The following CANX variants were observed in gnomAD, a reference collection of about 807,000 sequenced individuals.
CANX encodes the protein epididymis secretory sperm binding protein.
CANX carries 14 observed loss-of-function variants against 75.7 expected under a neutral mutation model. The observed-to-expected ratio is 0.19, with a 90% CI of 0.12 to 0.29. The LOEUF is 0.29. Among genes scored for constraint, CANX ranks in the 10% least tolerant of loss-of-function variants. CANX has a pLI of 1.00. For synonymous variants in CANX, 227 were observed against 236.9 expected (o/e 0.96, Z 0.38); for missense variants, 567 against 713.2 (o/e 0.79, Z 2.34).
chr5:179,694,552 C>CA, upstream of CANX: 3 of 821,928 alleles, frequency 3.6e-6, no homozygotes, highest in South Asian at 2.7e-5. Context: ...GGAGATGTGG[C>CA]AAAAAAGCTG....
rs541418922 is a variant in CANX, at chr5:179,688,778, C to T, written c.-4+10001C>T. Among the ~76,000 whole-genome samples, 7 of 151,552 alleles carry T rather than the reference C, an allele frequency of 4.6e-5. No individual in the cohort carries two copies. The East Asian group carries it at 7.8e-4, about 17-fold the overall frequency. ...GGTGGATCTCTTGACCTCAGGAGAT[C>T]GAAACTAGGCTGGCCAACATGGTGA... On this transcript the variant is annotated intron_variant, in intron 1 of 14. Coordinates refer to the CANX transcript ENST00000681674.
chr5:179,722,938 C>A lies in CANX; in HGVS notation c.1317C>A (p.Ile439=), dbSNP rs1463620560. ...MTSDIFFDNF[I]ICADRRIVDD... ...CTGACATTTTTTTTGACAACTTTATCATTTGTGCTGATCGAAGAATAGTTG... is the reference window on the plus strand; with the variant it reads ...CTGACATTTTTTTTGACAACTTTATAATTTGTGCTGATCGAAGAATAGTTG... The change falls in exon 11 of 15, where the codon ATC becomes ATA. Residue 439 remains isoleucine, a synonymous_variant. Transcript: ENST00000247461. 6 of 1,614,032 alleles carry A rather than the reference C, an allele frequency of 3.7e-6. No homozygotes were observed. The South Asian group carries it at 4.4e-5, about 12-fold the overall frequency.
At chr5:179,678,985 G>A (rs911964920) in intron 1 of CANX, 1 of 1,535,956 alleles carries the variant, frequency 6.5e-7, no homozygotes, top group Middle Eastern at 1.7e-4. Flanking sequence ...GGCGCGTGTT[G>A]TGGTCCAGCA....
intron 12 of CANX, among the ~76,000 whole-genome samples, chr5:179,724,346 C>G (rs1562516420): frequency 6.6e-6 from 1 of 152,038 alleles, no homozygotes; most frequent in Non-Finnish European, 1.5e-5. Flanking sequence ...GTAACTGGAT[C>G]CCAAGTTCCT....
chr5:179,688,585 G>A (rs530591974), intron 1 of CANX, among the ~76,000 whole-genome samples: 16 of 150,648 alleles, frequency 1.1e-4, no homozygotes, highest in African/African-American at 3.9e-4. Context: ...GGATGGTCTC[G>A]ATCTCCTGAC....
intron 14 of CANX, among the ~76,000 whole-genome samples, chr5:179,727,154 C>T (rs1204445367): frequency 6.6e-6 from 1 of 152,184 alleles, no homozygotes; most frequent in Non-Finnish European, 1.5e-5. Context: ...TTCATTCATT[C>T]ATTTAACTGA....
At chr5:179,696,686 T>C (rs1261326812), upstream of CANX, among the ~76,000 whole-genome samples, 2 of 152,246 alleles carry the variant, frequency 1.3e-5, no homozygotes, top group Non-Finnish European at 2.9e-5. Flanking sequence ...CTTACATGTA[T>C]GAGAATACAT....
chr5:179,688,341 C>T (rs572728471), intron 1 of CANX, among the ~76,000 whole-genome samples: 11 of 144,258 alleles, frequency 7.6e-5, no homozygotes, highest in East Asian at 2.2e-4. Context: ...GCGTGAGCGA[C>T]GGTGCCTGGC....
rs184213857 is a variant in CANX, at chr5:179,684,324, C to T, written c.-4+5547C>T. On this transcript the variant is annotated intron_variant, in intron 1 of 14. Coordinates refer to the CANX transcript ENST00000681674. ...TCTCAGACTCCTGGGCTCAAGGGAT[C>T]CTCCCACCTGAGCCTCCCAAAGTGC... Among the ~76,000 whole-genome samples, 464 of 151,912 alleles carry T rather than the reference C, an allele frequency of 3.1e-3. 2 individuals are homozygous for T. Among genetic ancestry groups the T allele is most frequent in the Non-Finnish European group, 4.3e-3 (292 of 67,986 alleles).
intron 13 of CANX, among the ~76,000 whole-genome samples, chr5:179,725,479 A>G (rs1421080389): frequency 1.3e-5 from 2 of 151,560 alleles, no homozygotes. Context: ...CAGGAGGTCG[A>G]GACCATCCTG....
chr5:179,722,801 T>A lies in CANX; in HGVS notation c.1183-3T>A, dbSNP rs369724689. On this transcript the variant is annotated splice_region_variant and splice_polypyrimidine_tract_variant and intron_variant, in intron 10 of 14. Transcript: ENST00000247461. ...TGATTTTCTGAAACATTTTTTTTTCTAGGGAATCTGGAAACCCAGGAAAAT... is the reference window on the plus strand; with the variant it reads ...TGATTTTCTGAAACATTTTTTTTTCAAGGGAATCTGGAAACCCAGGAAAAT... 5.0e-6 allele frequency: 8 copies of A among 1,588,910 alleles called. No homozygotes were observed. The highest frequency in any genetic ancestry group is 2.7e-5 in the African/African-American group (2 of 74,054).
intron 11 of CANX, 112 bp downstream of exon 11, chr5:179,723,131 A>G: frequency 1.2e-6 from 1 of 861,700 alleles, no homozygotes. Flanking sequence ...CATAAAAAGT[A>G]TAACCATATG....
Position 179,715,990 on chromosome 5 carries a change from C to T in CANX, c.722-115C>T, listed in dbSNP as rs78081978. On this transcript the variant is annotated intron_variant, in intron 7 of 14. Coordinates refer to ENST00000247461, the MANE Select transcript of CANX (RefSeq NM_001746.4). ...CAGGAGCCAGGCATTGTTCTTACCC[C>T]AAAGCCTCAGGTCAGACTTCTGCTG... 4,353 of 798,382 alleles carry T rather than the reference C, an allele frequency of 5.5e-3. 128 individuals carry two copies. The African/African-American group carries it at 0.058, about 11-fold the overall frequency. The allele number at this position is 798,382 out of a possible 1,614,324, so 49.5% of individuals were successfully genotyped here. A position where few individuals can be genotyped will look rare whatever the true frequency, so the allele number is the denominator to read the frequency against.
upstream of CANX, among the ~76,000 whole-genome samples, chr5:179,697,943 T>C (rs1028527238): frequency 2.0e-5 from 3 of 152,050 alleles, no homozygotes; most frequent in African/African-American, 7.2e-5. Flanking sequence ...TACTAACTCA[T>C]GCAAACACCA....
intron 4 of CANX, among the ~76,000 whole-genome samples, chr5:179,707,551 T>G (rs1581854044): frequency 8.0e-6 from 1 of 124,944 alleles, no homozygotes; most frequent in Admixed American, 9.9e-5. Context: ...GCCACTGCAC[T>G]CCAGCCTGGG....
intron 3 of CANX, among the ~76,000 whole-genome samples, chr5:179,706,631 T>G (rs1054796691): frequency 6.6e-6 from 1 of 151,994 alleles, no homozygotes; most frequent in African/African-American, 2.4e-5. Flanking sequence ...GTGTTGTTAT[T>G]TTTTTAGTAG....
intron 1 of CANX, among the ~76,000 whole-genome samples, chr5:179,689,292 G>T (rs1345223369): frequency 6.7e-6 from 1 of 148,608 alleles, no homozygotes; most frequent in Non-Finnish European, 1.5e-5. Flanking sequence ...ACATACGTCA[G>T]ACCGATCATA....
At chr5:179,715,959 A>G in intron 7 of CANX, 146 bp from the exon 8 acceptor site, 1 of 713,290 alleles carries the variant, frequency 1.4e-6, no homozygotes, top group South Asian at 1.5e-5. Flanking sequence ...AGCTTCCCCA[A>G]GACCCCAGGA....
chr5:179,704,044 G>A (rs1300447617), intron 1 of CANX: 2 of 152,048 alleles, frequency 1.3e-5, no homozygotes, highest in East Asian at 1.9e-4. Flanking sequence ...TCTTCTACTT[G>A]TTTTCTCCCC....
Sources: gnomAD v4.1 joint callset for allele counts (sites outside exome capture counted in the v4.1 genomes callset) on GRCh38, gnomAD v4.1.1 for gene constraint, MANE v1.5 for transcripts, NCBI Gene and HGNC (gene_info 2026-07-23, HGNC 2026-07-21) for gene names.